The following NTRK3 variants were observed in gnomAD, a reference collection of about 807,000 sequenced individuals.
NTRK3 encodes the protein NT-3 growth factor receptor.
In NTRK3, 24 loss-of-function variants were observed where a neutral mutation model predicts 91.7. The ratio of observed to expected loss-of-function variants is 0.26; its 90% CI spans 0.19 to 0.37. The LOEUF is 0.37. Ranked by LOEUF, NTRK3 falls within the 10% of genes least tolerant of loss-of-function variation. The pLI is 1.00. For missense variants in NTRK3, 880 were observed against 1,068.9 expected (o/e 0.82, Z 2.46); for synonymous variants, 483 against 404.0 (o/e 1.20, Z -2.34).
chr15:88,075,099 C>A (rs758239630), intron 13 of NTRK3, among the ~76,000 whole-genome samples: 3 of 152,310 alleles, frequency 2.0e-5, no homozygotes, highest in Non-Finnish European at 4.4e-5. Flanking sequence ...CAAACTCCTT[C>A]TAGAATTAGT....
intron 17 of NTRK3, among the ~76,000 whole-genome samples, chr15:87,916,772 T>C (rs556420377): frequency 3.9e-5 from 6 of 152,234 alleles, no homozygotes; most frequent in Admixed American, 3.9e-4. Context: ...CAAGGCTTTT[T>C]TTTTTTTTAG....
intron 14 of NTRK3, among the ~76,000 whole-genome samples, chr15:87,959,913 C>T (rs2072074325): frequency 1.3e-5 from 2 of 152,140 alleles, no homozygotes; most frequent in African/African-American, 4.8e-5. Flanking sequence ...GGCATGGCCA[C>T]CAAGTTGAAT....
intron 17 of NTRK3, chr15:87,926,827 A>T (rs1248885258): frequency 6.6e-6 from 1 of 152,200 alleles, no homozygotes; most frequent in Non-Finnish European, 1.5e-5. Context: ...GCATAATCAA[A>T]CATCTGCCTT....
In NTRK3 at chr15:88,105,541, T is replaced by C. The variant is rs148318847; in HGVS notation, c.1396+20730A>G. Among the ~76,000 whole-genome samples the C allele has an allele frequency of 5.8e-4, 88 of 152,332 alleles. No homozygotes were observed. In the East Asian group the frequency reaches 0.016, roughly 27 times the overall value. ...CTGCATCTCCCTACTATTGGTGTAG[T>C]ACACGCTCCACTAGTTCCACATACG... On this transcript the variant is annotated intron_variant, in intron 13 of 18. Coordinates refer to ENST00000394480, the Ensembl canonical transcript of NTRK3.
chr15:88,112,295 G>C (rs1031637766), intron 13 of NTRK3, among the ~76,000 whole-genome samples: 5 of 152,174 alleles, frequency 3.3e-5, no homozygotes, highest in Admixed American at 1.3e-4. Context: ...ACATGTCAAG[G>C]CAAACTGGGC....
In NTRK3 at chr15:87,978,034, A is replaced by G. The variant is rs540408885; in HGVS notation, c.1586-37281T>C. On this transcript the variant is annotated intron_variant, in intron 14 of 18. Coordinates refer to ENST00000394480, the Ensembl canonical transcript of NTRK3. ...TCATGCTCTCCACCATTAGGTGGGC[A>G]GCCTATGCTGACTTCATACAATGGA... is the stretch of plus-strand genomic sequence containing the variant. 1.5e-4 allele frequency: 36 copies of G among 233,556 alleles called. No homozygotes were observed. In the East Asian group the frequency reaches 2.2e-3, roughly 14 times the overall value. 14.5% of individuals were successfully genotyped at this position (233,556 alleles called of 1,614,324 possible).
At chr15:88,064,522 A>G (rs962433290) in intron 13 of NTRK3, among the ~76,000 whole-genome samples, 3 of 152,030 alleles carry the variant, frequency 2.0e-5, no homozygotes, top group Non-Finnish European at 4.4e-5. Flanking sequence ...TTCTACAATT[A>G]TCCCTTTTCA....
intron 14 of NTRK3, among the ~76,000 whole-genome samples, chr15:88,012,085 C>A (rs1177512032): frequency 6.6e-6 from 1 of 152,156 alleles, no homozygotes; most frequent in Non-Finnish European, 1.5e-5. Flanking sequence ...GCTCACCCAC[C>A]CTGTACCCTA....
rs34299110 is a variant in NTRK3 at position 88,147,505 on chromosome 15, CCTTCTTCTTCTTCTTCTT to C, written c.396-120_396-103del. The stretch of plus-strand genomic sequence containing the variant: ...TTTCACTGGAGCCTGGCTTTGTTTT[CCTTCTTCTTCTTCTTCTT>C]CTTCTTCTTCTTCTTCTTCTTCTTC... On this transcript the variant is annotated intron_variant, in intron 5 of 18. Coordinates refer to ENST00000394480, the Ensembl canonical transcript of NTRK3. 2,023 of 660,130 alleles carry C rather than the reference CCTTCTTCTTCTTCTTCTT, an allele frequency of 3.1e-3. 10 individuals carry two copies. Among genetic ancestry groups the C allele is most frequent in the Middle Eastern group, 7.7e-3 (29 of 3,786 alleles). 40.9% of individuals were successfully genotyped at this position (660,130 alleles called of 1,614,324 possible).
At chr15:88,057,182 A>C in intron 13 of NTRK3, among the ~76,000 whole-genome samples, 1 of 149,174 alleles carries the variant, frequency 6.7e-6, no homozygotes, top group East Asian at 2.0e-4. Context: ...AAAAAAAAAA[A>C]AGAAAAAAAG....
intron 12 of NTRK3, among the ~76,000 whole-genome samples, 189 bp from the exon 13 acceptor site, chr15:88,126,562 A>C (rs1348741982): frequency 6.6e-6 from 1 of 152,192 alleles, no homozygotes; most frequent in Admixed American, 6.5e-5. Flanking sequence ...AAAAGTATAT[A>C]AATTACCCAA....
rs949055663 is a variant in NTRK3, at chr15:88,241,539, G to A, written c.248+14367C>T. Among the ~76,000 whole-genome samples the A allele has an allele frequency of 3.9e-5, 6 of 152,182 alleles. No individual in the cohort carries two copies. Among genetic ancestry groups the A allele is most frequent in the African/African-American group, 1.4e-4 (6 of 41,446 alleles). ...AGGGCCCAGGGAGCTGCTCTGGGCT[G>A]GAAAGGAGGAGGGAGGGTGTGCCCT... On this transcript the variant is annotated intron_variant, in intron 3 of 18. Coordinates refer to ENST00000394480, the Ensembl canonical transcript of NTRK3. The surrounding 1 kb of genome is among the most constrained non-coding windows in gnomAD (Gnocchi z 4.3).
intron 3 of NTRK3, among the ~76,000 whole-genome samples, chr15:88,203,616 A>G (rs1567640048): frequency 6.6e-6 from 1 of 152,214 alleles, no homozygotes; most frequent in Non-Finnish European, 1.5e-5. Context: ...AATAAGACCT[A>G]ATGTTCAATA....
At position 88,144,575 on chromosome 15, in the gene NTRK3, A is replaced by T. The variant is rs141583850; in HGVS notation, c.464+2760T>A. Among the ~76,000 whole-genome samples the T allele has an allele frequency of 5.6e-3, 846 of 152,184 alleles. 20 individuals carry two copies. The highest frequency in any genetic ancestry group is 0.034 in the Admixed American group (519 of 15,292). ...GTAAGAGAAACAGCCTGGTCTTTGG[A>T]AACAGCAGATCGGGGTAGTGATAAT... On this transcript the variant is annotated intron_variant, in intron 6 of 18. Transcript: ENST00000394480.
intron 13 of NTRK3, among the ~76,000 whole-genome samples, chr15:88,084,121 G>GT (rs2048298803): frequency 8.7e-5 from 13 of 150,132 alleles, no homozygotes; most frequent in African/African-American, 2.9e-4. Context: ...AAACTCTGGG[G>GT]TTTTTTTCTT....
In NTRK3 at chr15:88,243,716, C is replaced by A. The variant is rs2052579790; in HGVS notation, c.248+12190G>T. ...CTGGAGTCTCTTGGCTAAGGCCAAC[C>A]AGATAGACTGTATGAAAGCATGTCA... is the stretch of plus-strand genomic sequence containing the variant. On this transcript the variant is annotated intron_variant, in intron 3 of 18. Coordinates refer to ENST00000394480, the Ensembl canonical transcript of NTRK3. This position sits in a 1 kb window ranked among gnomAD's most constrained non-coding sequence, Gnocchi z 4.8. Among the ~76,000 whole-genome samples the A allele has an allele frequency of 1.3e-5, 2 of 152,174 alleles. No homozygotes were observed. Among genetic ancestry groups the A allele is most frequent in the Non-Finnish European group, 2.9e-5 (2 of 68,038 alleles).
In NTRK3 at chr15:88,029,511, TC is replaced by T. The variant is rs1041440086; in HGVS notation, c.1585+3345del. Among the ~76,000 whole-genome samples the T allele has an allele frequency of 1.4e-4, 21 of 152,328 alleles. No homozygotes were observed. In the Middle Eastern group the frequency reaches 0.01, roughly 74 times the overall value. ...GAAAGAAAAGCACATTTGTGCTTAA[TC>T]CATCACTGGGGGGATGGGGAAATAA... On this transcript the variant is annotated intron_variant, in intron 14 of 18. Transcript: ENST00000394480.
intron 13 of NTRK3, among the ~76,000 whole-genome samples, chr15:88,049,209 T>C (rs2080562024): frequency 6.6e-6 from 1 of 152,174 alleles, no homozygotes; most frequent in Non-Finnish European, 1.5e-5. Context: ...GGCATGGAAG[T>C]GATGCTTCGA....
At chr15:88,056,386 T>G (rs930066979) in intron 13 of NTRK3, among the ~76,000 whole-genome samples, 1 of 151,834 alleles carries the variant, frequency 6.6e-6, no homozygotes, top group African/African-American at 2.4e-5. Flanking sequence ...ATGATAAAAT[T>G]TCTCTATTTT....
Sources: gnomAD v4.1 joint callset for allele counts (sites outside exome capture counted in the v4.1 genomes callset) on GRCh38, gnomAD v4.1.1 for gene constraint, Gnocchi (gnomAD v3.1) non-coding constraint, MANE v1.5 for transcripts, NCBI Gene and HGNC (gene_info 2026-07-23, HGNC 2026-07-21) for gene names.